Variants in RAPGEF5 observed in about 807,000 individuals in gnomAD.
RAPGEF5 encodes Rap guanine nucleotide exchange factor 5.
RAPGEF5 carries 65 observed loss-of-function variants against 125.2 expected under a neutral mutation model. The ratio of observed to expected loss-of-function variants is 0.52; its 90% CI spans 0.43 to 0.64. RAPGEF5 has a LOEUF of 0.64. RAPGEF5 is among the 30% of genes least tolerant of loss of function. The pLI is 0.00. For missense variants in RAPGEF5, 958 were observed against 1,048.1 expected, an observed-to-expected ratio of 0.91 and a Z score of 1.19; for synonymous variants, 391 against 385.9, an observed-to-expected ratio of 1.01 and a Z score of -0.16.
At chr7:22,350,023 C>T (rs1562541779) in intron 1 of RAPGEF5, among the ~76,000 whole-genome samples, 2 of 152,190 alleles carry the variant, frequency 1.3e-5, no homozygotes, top group Non-Finnish European at 2.9e-5. Flanking sequence ...TTTGCCACAA[C>T]AAATTAAGTC....
At chr7:22,159,214 CAT>C (rs1244320553) in intron 14 of RAPGEF5, among the ~76,000 whole-genome samples, 3 of 152,116 alleles carry the variant, frequency 2.0e-5, no homozygotes, top group South Asian at 2.1e-4. Flanking sequence ...GCTATGGAAA[CAT>C]AACATAATGT....
At chr7:22,212,520 C>A in intron 9 of RAPGEF5, among the ~76,000 whole-genome samples, 1 of 152,202 alleles carries the variant, frequency 6.6e-6, no homozygotes, top group African/African-American at 2.4e-5. Context: ...GGCAGTCCTT[C>A]AGGAACCAAG....
intron 5 of RAPGEF5, among the ~76,000 whole-genome samples, chr7:22,293,320 T>G (rs1782976813): frequency 6.6e-6 from 1 of 152,076 alleles, no homozygotes; most frequent in East Asian, 1.9e-4. Context: ...ACTGAACTCC[T>G]CTCTTACCTC....
At chr7:22,209,522 C>A (rs1477515422) in intron 9 of RAPGEF5, among the ~76,000 whole-genome samples, 13 of 152,186 alleles carry the variant, frequency 8.5e-5, no homozygotes, top group East Asian at 1.9e-4. Context: ...CCTTCCCCCC[C>A]ACCATTTTTA....
In RAPGEF5 at chr7:22,174,279, G is replaced by A. The variant is rs376771978; in HGVS notation, c.1205-7131C>T. Among the ~76,000 whole-genome samples, 77 of 152,332 alleles carry A rather than the reference G, an allele frequency of 5.1e-4. 2 individuals carry two copies. The South Asian group carries it at 0.016, about 31-fold the overall frequency. ...AAGAAGAATTGGAGGAGGAAAAGGA[G>A]AAGCAAATGTGAGCAAAGCAACGGA... On this transcript the variant is annotated intron_variant, in intron 11 of 25. Transcript: ENST00000665637.
intron 10 of RAPGEF5, chr7:22,193,670 G>T: frequency 6.4e-7 from 1 of 1,550,776 alleles, no homozygotes; most frequent in Non-Finnish European, 8.7e-7. Flanking sequence ...ATTGTGAACG[G>T]TTACTAACAA....
intron 11 of RAPGEF5, among the ~76,000 whole-genome samples, chr7:22,172,702 T>C (rs1203681165): frequency 1.3e-5 from 2 of 152,188 alleles, no homozygotes; most frequent in East Asian, 3.9e-4. Flanking sequence ...ATCCAAATGT[T>C]ACCAAAAGGT....
chr7:22,253,970 G>C (rs1475686057), intron 7 of RAPGEF5, among the ~76,000 whole-genome samples: 1 of 152,068 alleles, frequency 6.6e-6, no homozygotes, highest in Non-Finnish European at 1.5e-5. Context: ...AGGTATAAAG[G>C]TTATTTTTTT....
chr7:22,136,732 C>T (rs1419135754), intron 22 of RAPGEF5, among the ~76,000 whole-genome samples: 3 of 152,130 alleles, frequency 2.0e-5, no homozygotes, highest in South Asian at 2.1e-4. Flanking sequence ...ATTTTCACTA[C>T]GTTTTTAGAA....
chr7:22,291,303 G>C lies in RAPGEF5; in HGVS notation c.681-62C>G, dbSNP rs192739972. ...TTAGTTGCTCAAATTTATCTACCAA[G>C]TTAGGAAGAATAAAGGGCAAATAAT... On this transcript the variant is annotated intron_variant, in intron 5 of 25. Coordinates refer to ENST00000665637, the MANE Select transcript of RAPGEF5 (RefSeq NM_012294.5). 4.2e-5 allele frequency: 62 copies of C among 1,486,876 alleles called. 1 individual carries two copies. In the African/African-American group the frequency reaches 8.3e-4, roughly 20 times the overall value. The allele number at this position is 1,486,876 out of a possible 1,614,324, so 92.1% of individuals were successfully genotyped here.
chr7:22,231,828 T>G (rs1293874527), intron 7 of RAPGEF5, among the ~76,000 whole-genome samples: 1 of 152,098 alleles, frequency 6.6e-6, no homozygotes, highest in Non-Finnish European at 1.5e-5. Context: ...CTGGAGAGAG[T>G]AGAGACCACA....
At chr7:22,291,687 G>GTAT (rs1782938696) in intron 5 of RAPGEF5, among the ~76,000 whole-genome samples, 1 of 152,230 alleles carries the variant, frequency 6.6e-6, no homozygotes, top group East Asian at 1.9e-4. Context: ...CTATAAAACG[G>GTAT]TATTATTATA....
chr7:22,137,011 G>C (rs778984758), intron 21 of RAPGEF5, 28 bp from the exon 22 acceptor site: 1 of 1,502,110 alleles, frequency 6.7e-7, no homozygotes, highest in Non-Finnish European at 9.1e-7. Flanking sequence ...ACAAAAAACA[G>C]AAGGTCACAG....
intron 1 of RAPGEF5, among the ~76,000 whole-genome samples, chr7:22,328,962 T>C (rs779984443): frequency 1.1e-4 from 17 of 152,230 alleles, no homozygotes; most frequent in Middle Eastern, 3.2e-3. Context: ...CTCTAACTTT[T>C]TTCACTATAC....
At chr7:22,137,842 A>G (rs1230412826) in intron 21 of RAPGEF5, among the ~76,000 whole-genome samples, 1 of 152,122 alleles carries the variant, frequency 6.6e-6, no homozygotes, top group Non-Finnish European at 1.5e-5. Context: ...GTATAAGAAG[A>G]TATTTCTGGG....
chr7:22,248,886 G>A (rs1303711646), intron 7 of RAPGEF5, among the ~76,000 whole-genome samples: 1 of 152,112 alleles, frequency 6.6e-6, no homozygotes, highest in African/African-American at 2.4e-5. Context: ...TTGTAGCCAG[G>A]GTGGAAGAAA....
intron 5 of RAPGEF5, among the ~76,000 whole-genome samples, chr7:22,304,973 GAGCTTAGTCTAACACTTTTAT>G (rs1489533577): frequency 6.6e-6 from 1 of 152,080 alleles, no homozygotes; most frequent in East Asian, 1.9e-4. Context: ...CATTTCACCA[GAGCTTAGTCTAACACTTTTAT>G]AGCTTCTGTT....
chr7:22,272,965 G>C (rs1284600351), intron 6 of RAPGEF5, among the ~76,000 whole-genome samples: 1 of 151,660 alleles, frequency 6.6e-6, no homozygotes, highest in Non-Finnish European at 1.5e-5. Flanking sequence ...TCACCATGTT[G>C]TCCAGGCTGA....
At chr7:22,315,082 G>A (rs1041922897) in intron 3 of RAPGEF5, among the ~76,000 whole-genome samples, 7 of 152,082 alleles carry the variant, frequency 4.6e-5, no homozygotes, top group African/African-American at 1.7e-4. Context: ...CCCCTCACCC[G>A]CTGCAAAATA....
Sources: allele counts gnomAD v4.1 joint callset (sites outside exome capture counted in the v4.1 genomes callset), GRCh38; gene constraint gnomAD v4.1.1; transcripts MANE v1.5; gene names NCBI Gene and HGNC (gene_info 2026-07-23, HGNC 2026-07-21).